Variants in ANO2 observed in about 807,000 individuals in gnomAD.
ANO2 encodes the protein anoctamin-2.
A neutral mutation model predicts 124.2 loss-of-function variants in ANO2; 101 were observed. The ratio of observed to expected loss-of-function variants is 0.81; its 90% CI spans 0.69 to 0.96. ANO2 has a LOEUF of 0.96. Ranked by LOEUF, ANO2 falls within the 40% of genes least tolerant of loss-of-function variation. The pLI is 0.00. For missense variants in ANO2, 1,293 were observed against 1,274.5 expected, an observed-to-expected ratio of 1.01 and a Z score of -0.22; for synonymous variants, 486 against 482.5, an observed-to-expected ratio of 1.01 and a Z score of -0.09.
intron 3 of ANO2, among the ~76,000 whole-genome samples, chr12:5,912,386 G>A (rs945800656): frequency 3.3e-5 from 5 of 152,162 alleles, no homozygotes; most frequent in African/African-American, 1.2e-4. Context: ...TTTCCTAGTC[G>A]GTGAGAAGGG....
chr12:5,819,504 G>A (rs893006279), intron 7 of ANO2, among the ~76,000 whole-genome samples: 5 of 152,134 alleles, frequency 3.3e-5, no homozygotes, highest in Non-Finnish European at 7.3e-5. Context: ...TAGTTTATTT[G>A]CTTGGTTAGC....
intron 14 of ANO2, among the ~76,000 whole-genome samples, chr12:5,715,219 G>A (rs866766000): frequency 1.1e-4 from 17 of 152,044 alleles, no homozygotes; most frequent in African/African-American, 3.9e-4. Context: ...TTACTGAAGG[G>A]GGTTTCATAC....
rs1188018065 is a variant in ANO2, at chr12:5,744,233, G to T, written c.1275C>A (p.Ala425=). ...KSCDYWNLSS[A]CGTAQASHLF... is the part of the protein sequence containing the mutation. ...GGTGGCTGGCCTGCGCGGTCCCACAGGCTGAGCTGAGGTTCCAGTAATCAC... is the reference window on the plus strand; with the variant it reads ...GGTGGCTGGCCTGCGCGGTCCCACATGCTGAGCTGAGGTTCCAGTAATCAC... The change falls in exon 12 of 25, where the codon GCC becomes GCA. Residue 425 remains alanine (A), a synonymous_variant. Coordinates refer to ENST00000682330, the MANE Select transcript of ANO2 (RefSeq NM_001364791.2). 17 of 1,612,720 alleles carry T rather than the reference G, an allele frequency of 1.1e-5. No homozygotes were observed. Among genetic ancestry groups the T allele is most frequent in the South Asian group, 2.2e-5 (2 of 91,088 alleles).
intron 3 of ANO2, among the ~76,000 whole-genome samples, chr12:5,870,905 T>C (rs1294895839): frequency 6.6e-6 from 1 of 152,218 alleles, no homozygotes; most frequent in African/African-American, 2.4e-5. Flanking sequence ...GGCACTACCA[T>C]GGAGAAGATA....
chr12:5,932,621 T>C (rs931121977), intron 1 of ANO2, among the ~76,000 whole-genome samples: 12 of 147,606 alleles, frequency 8.1e-5, no homozygotes, highest in African/African-American at 3.1e-4. Flanking sequence ...GGAAAGAAGA[T>C]AGACTAGTAA....
chr12:5,844,330 G>C (rs921180295), intron 4 of ANO2, among the ~76,000 whole-genome samples: 3 of 152,172 alleles, frequency 2.0e-5, no homozygotes, highest in African/African-American at 7.2e-5. Context: ...ACATTACCAG[G>C]CTTGGGGACA....
rs544670879 is a variant in ANO2 at position 5,844,316 on chromosome 12, G to A, written c.633+9727C>T. On this transcript the variant is annotated intron_variant, in intron 4 of 24. Coordinates refer to ENST00000682330, the MANE Select transcript of ANO2 (RefSeq NM_001364791.2). ...GCATGGGTAAACCCAGAGAAAGCCC[G>A]GTGACATTACCAGGCTTGGGGACAC... Among the ~76,000 whole-genome samples, 8 of 152,270 alleles carry A rather than the reference G, an allele frequency of 5.3e-5. No homozygotes were observed. The South Asian group carries it at 6.2e-4, about 12-fold the overall frequency.
At chr12:5,867,009 T>C (rs1388245525) in intron 3 of ANO2, among the ~76,000 whole-genome samples, 2 of 152,166 alleles carry the variant, frequency 1.3e-5, no homozygotes, top group African/African-American at 4.8e-5. Context: ...GTCTAGGCTG[T>C]GATCAAACAG....
At chr12:5,852,393 C>A (rs1442373267) in intron 4 of ANO2, among the ~76,000 whole-genome samples, 3 of 152,148 alleles carry the variant, frequency 2.0e-5, no homozygotes, top group South Asian at 2.1e-4. Context: ...CAAAAATCAC[C>A]TTTTGTTGGC....
At position 5,921,126 on chromosome 12, in the gene ANO2, C is replaced by T. The variant is rs772050768; in HGVS notation, c.448G>A (p.Ala150Thr). The T allele has an allele frequency of 6.2e-7, 1 of 1,613,888 alleles. No individual in the cohort carries two copies. The highest frequency in any genetic ancestry group is 1.3e-5 in the African/African-American group (1 of 74,936). Residue 150 changes from alanine (A) to threonine (T), a missense_variant, in exon 3 of 25, where the codon GCC becomes ACC. By Grantham distance (58) the Ala-to-Thr change is moderately conservative (BLOSUM62 0). Coordinates refer to ENST00000682330, the MANE Select transcript of ANO2 (RefSeq NM_001364791.2). The stretch of plus-strand genomic sequence containing the variant: ...TGCTCCTTCCTCTCCTCCTCCAGGG[C>T]ATCGAGCGGTCCCAGCTCAATGTCA... ...PGDIELGPLD[A>T]LEEERKEQRE... is the part of the protein sequence containing the mutation.
chr12:5,790,303 C>T (rs747983861), intron 10 of ANO2, among the ~76,000 whole-genome samples: 12 of 152,292 alleles, frequency 7.9e-5, no homozygotes, highest in South Asian at 4.1e-4. Flanking sequence ...GAAACCCTTC[C>T]TTTAGCCCTC....
intron 23 of ANO2, among the ~76,000 whole-genome samples, chr12:5,575,430 T>C (rs1049989965): frequency 3.3e-5 from 5 of 152,342 alleles, no homozygotes; most frequent in Admixed American, 2.6e-4. Flanking sequence ...CGTGTGTTGC[T>C]TAACGATGGG....
At chr12:5,741,652 C>T (rs771189454) in intron 12 of ANO2, among the ~76,000 whole-genome samples, 15 of 152,200 alleles carry the variant, frequency 9.9e-5, no homozygotes, top group Non-Finnish European at 2.1e-4. Context: ...GGGAGGACCA[C>T]CATACTGATG....
chr12:5,627,716 C>A (rs1051252331), intron 16 of ANO2, among the ~76,000 whole-genome samples: 1 of 152,210 alleles, frequency 6.6e-6, no homozygotes, highest in Non-Finnish European at 1.5e-5. Context: ...CTTTTCCTTT[C>A]CTCCTGCTCT....
At chr12:5,794,589 T>C (rs964342457) in intron 10 of ANO2, among the ~76,000 whole-genome samples, 3 of 152,248 alleles carry the variant, frequency 2.0e-5, no homozygotes, top group African/African-American at 7.2e-5. Context: ...TCTTGTCTTA[T>C]TCCTCTAGCA....
intron 22 of ANO2, among the ~76,000 whole-genome samples, chr12:5,576,713 G>C (rs1438403987): frequency 6.6e-6 from 1 of 152,196 alleles, no homozygotes; most frequent in Non-Finnish European, 1.5e-5. Flanking sequence ...GAACACAGGG[G>C]TACTTTCTGC....
chr12:5,702,555 C>T (rs779758559), intron 14 of ANO2, among the ~76,000 whole-genome samples: 1 of 131,424 alleles, frequency 7.6e-6, no homozygotes, highest in Non-Finnish European at 1.6e-5. Context: ...CTCATTCTTA[C>T]TGGCAACCCA....
intron 14 of ANO2, among the ~76,000 whole-genome samples, chr12:5,718,980 G>A (rs1312103497): frequency 6.6e-6 from 1 of 152,198 alleles, no homozygotes; most frequent in East Asian, 1.9e-4. Context: ...TCTCTGGGTT[G>A]CTTGCCCATC....
At chr12:5,915,218 C>T (rs148344279) in intron 3 of ANO2, among the ~76,000 whole-genome samples, 5 of 152,234 alleles carry the variant, frequency 3.3e-5, no homozygotes, top group South Asian at 4.1e-4. Flanking sequence ...TCTAATCAAA[C>T]GGTCAAACTA....
Sources: gnomAD v4.1 joint callset for allele counts (sites outside exome capture counted in the v4.1 genomes callset) on GRCh38, gnomAD v4.1.1 for gene constraint, MANE v1.5 for transcripts, NCBI Gene and HGNC (gene_info 2026-07-23, HGNC 2026-07-21) for gene names.